SPECC1: variants seen among roughly 807,000 people sequenced by gnomAD.
The protein encoded by SPECC1 is sperm antigen with calponin homology and coiled-coil domains 1, also known as cytospin-B.
In SPECC1, 62 loss-of-function variants were observed where a neutral mutation model predicts 104.1. The observed-to-expected ratio is 0.60, with a 90% CI of 0.49 to 0.74. The LOEUF (loss-of-function observed/expected upper bound fraction) is 0.74, where lower values mean the gene tolerates loss of function less well. Ranked by LOEUF, SPECC1 falls within the 30% of genes least tolerant of loss-of-function variation. SPECC1 has a pLI of 0.00. For synonymous variants in SPECC1, 513 were observed against 501.6 expected (o/e 1.02, Z -0.30); for missense variants, 1,306 against 1,310.5 (o/e 1.00, Z 0.05).
chr17:20,045,375 G>T lies in SPECC1; in HGVS notation c.-22+35951G>T, dbSNP rs1475967327. ...GTTTTTTGCTATTATAAACAATGCT[G>T]CAGTAAATACCATTTTGTGTGTGTA... is the stretch of plus-strand genomic sequence containing the variant. On this transcript the variant is annotated intron_variant, in intron 1 of 14. Coordinates refer to ENST00000395527, the MANE Select transcript of SPECC1 (RefSeq NM_001243439.2). 2.0e-5 allele frequency among the ~76,000 whole-genome samples: 3 copies of T among 152,102 alleles called. No individual in the cohort carries two copies. The East Asian group carries it at 5.8e-4, about 29-fold the overall frequency.
intron 14 of SPECC1, among the ~76,000 whole-genome samples, chr17:20,307,337 C>A (rs969781452): frequency 2.0e-5 from 3 of 152,188 alleles, no homozygotes; most frequent in Admixed American, 6.5e-5. Context: ...GTCTCCTCTC[C>A]ATTCTCACCA....
chr17:20,176,868 G>C (rs1329017112), intron 3 of SPECC1, among the ~76,000 whole-genome samples: 2 of 152,154 alleles, frequency 1.3e-5, no homozygotes, highest in African/African-American at 4.8e-5. Context: ...TCCCTTTGTT[G>C]TGTGACATAC....
chr17:20,051,080 CTT>C (rs869098832), intron 1 of SPECC1, among the ~76,000 whole-genome samples: 6 of 61,222 alleles, frequency 9.8e-5, no homozygotes, highest in Non-Finnish European at 1.6e-4. Flanking sequence ...TTCTTTCTTT[CTT>C]TCTTTCTTTC....
intron 4 of SPECC1, among the ~76,000 whole-genome samples, chr17:20,209,485 G>A (rs893043085): frequency 6.6e-6 from 1 of 152,122 alleles, no homozygotes; most frequent in African/African-American, 2.4e-5. Context: ...AAAAATAGGA[G>A]GTAGGTGTCT....
At chr17:20,126,307 G>A (rs1179024274) in intron 3 of SPECC1, 1 of 147,392 alleles carries the variant, frequency 6.8e-6, no homozygotes, top group African/African-American at 2.5e-5. Flanking sequence ...CTTCCTTTTT[G>A]TTGAGTTTAT....
Position 20,015,701 on chromosome 17 carries a change from C to T in SPECC1, c.-22+6277C>T, listed in dbSNP as rs576361838. ...CCAGGTTCACGCCATTCTCCTGCCT[C>T]AGCCTCCCCAGTAGCGAGGACTGCC... On this transcript the variant is annotated intron_variant, in intron 1 of 14. Coordinates refer to ENST00000395527, the MANE Select transcript of SPECC1 (RefSeq NM_001243439.2). Among the ~76,000 whole-genome samples, 3 of 150,202 alleles carry T rather than the reference C, an allele frequency of 2.0e-5. No homozygotes were observed. The South Asian group carries it at 6.3e-4, about 32-fold the overall frequency.
At chr17:20,193,238 C>A (rs1045141510) in intron 3 of SPECC1, among the ~76,000 whole-genome samples, 2 of 152,316 alleles carry the variant, frequency 1.3e-5, no homozygotes, top group African/African-American at 4.8e-5. Context: ...ATTTAGCCAG[C>A]TTCTTTACTG....
In SPECC1 at chr17:20,112,718, G is replaced by T. The variant is rs190736465; in HGVS notation, c.283+2156G>T. 1.4e-5 allele frequency: 16 copies of T among 1,165,796 alleles called. No homozygotes were observed. The East Asian group carries it at 2.6e-4, about 19-fold the overall frequency. 72.2% of individuals were successfully genotyped at this position (1,165,796 alleles called of 1,614,324 possible). A position where few individuals can be genotyped will look rare whatever the true frequency, so the allele number is the denominator to read the frequency against. On this transcript the variant is annotated intron_variant, in intron 3 of 14. Coordinates refer to ENST00000395527, the MANE Select transcript of SPECC1 (RefSeq NM_001243439.2). ...ACTGTGTAATTTTGAGGATCCTTCCGGTCTTAAAGCCAATTTAGAAGGTGC... is the reference window on the plus strand; with the variant it reads ...ACTGTGTAATTTTGAGGATCCTTCCTGTCTTAAAGCCAATTTAGAAGGTGC...
At chr17:20,219,541 T>A (rs2037725732) in intron 4 of SPECC1, among the ~76,000 whole-genome samples, 1 of 152,164 alleles carries the variant, frequency 6.6e-6, no homozygotes, top group Non-Finnish European at 1.5e-5. Flanking sequence ...TTTCCCCCAT[T>A]GAATTGTTTA....
chr17:20,194,949 T>G (rs2035931947), intron 3 of SPECC1, among the ~76,000 whole-genome samples: 1 of 152,218 alleles, frequency 6.6e-6, no homozygotes, highest in Non-Finnish European at 1.5e-5. Flanking sequence ...ATATAAACTG[T>G]TAAGAGCTAT....
At chr17:20,229,112 TCAGA>T (rs1213538930) in intron 5 of SPECC1, among the ~76,000 whole-genome samples, 3 of 152,184 alleles carry the variant, frequency 2.0e-5, no homozygotes, top group Non-Finnish European at 4.4e-5. Flanking sequence ...CCAACTCGGG[TCAGA>T]CAGAGACACT....
intron 1 of SPECC1, among the ~76,000 whole-genome samples, chr17:20,071,649 T>TG (rs969780848): frequency 1.8e-4 from 28 of 152,308 alleles, no homozygotes; most frequent in East Asian, 5.8e-4. Flanking sequence ...AGCATGAATT[T>TG]GGGGGGCGAC....
At chr17:20,117,204 GCTGGATCC>G (rs1256810507) in intron 3 of SPECC1, among the ~76,000 whole-genome samples, 6 of 152,030 alleles carry the variant, frequency 3.9e-5, no homozygotes, top group Admixed American at 2.0e-4. Context: ...AAGGAATAAA[GCTGGATCC>G]CTATCTCATT....
chr17:20,156,158 C>G, intron 3 of SPECC1: 1 of 1,435,218 alleles, frequency 7.0e-7, no homozygotes, highest in Middle Eastern at 2.3e-4. Flanking sequence ...ACACCCGGTC[C>G]GAGGCCGGCA....
At chr17:20,163,762 T>C (rs1026200240) in intron 3 of SPECC1, among the ~76,000 whole-genome samples, 1 of 152,158 alleles carries the variant, frequency 6.6e-6, no homozygotes, top group Non-Finnish European at 1.5e-5. Flanking sequence ...GGTCTTGCTA[T>C]ATTGCCCTGG....
intron 3 of SPECC1, among the ~76,000 whole-genome samples, chr17:20,194,933 A>G (rs866857663): frequency 4.4e-4 from 67 of 152,354 alleles, no homozygotes; most frequent in African/African-American, 1.6e-3. Flanking sequence ...TTTTGTGCAT[A>G]GGAGTATATA....
intron 3 of SPECC1, among the ~76,000 whole-genome samples, chr17:20,185,561 A>G (rs1174923035): frequency 6.6e-6 from 1 of 152,216 alleles, no homozygotes; most frequent in African/African-American, 2.4e-5. Flanking sequence ...AGCTCTTCCC[A>G]AATTCCTGAC....
intron 3 of SPECC1, among the ~76,000 whole-genome samples, chr17:20,183,095 A>AT (rs543839692): frequency 1.8e-4 from 28 of 152,336 alleles, no homozygotes; most frequent in African/African-American, 6.7e-4. Context: ...GTCAGTAGGT[A>AT]TAGGGTGATG....
intron 3 of SPECC1, among the ~76,000 whole-genome samples, chr17:20,139,696 C>T (rs943660541): frequency 3.3e-5 from 5 of 152,056 alleles, no homozygotes; most frequent in African/African-American, 9.7e-5. Context: ...TTTTTTGAGA[C>T]GAAATCTCGC....
Sources: gnomAD v4.1 joint callset for allele counts (sites outside exome capture counted in the v4.1 genomes callset) on GRCh38, gnomAD v4.1.1 for gene constraint, MANE v1.5 for transcripts, NCBI Gene and HGNC (gene_info 2026-07-23, HGNC 2026-07-21) for gene names.